Variants in DERL1 observed in about 807,000 individuals in gnomAD.
DERL1 encodes the protein derlin 1, also known as derlin-1.
In DERL1, 24 loss-of-function variants were observed where a neutral mutation model predicts 41.6. The ratio of observed to expected loss-of-function variants is 0.58; its 90% CI spans 0.42 to 0.81. The LOEUF is 0.81. Ranked by LOEUF, DERL1 falls within the 30% of genes least tolerant of loss-of-function variation. The pLI is 0.00. For synonymous variants in DERL1, 124 were observed against 112.5 expected (o/e 1.10, Z -0.65); for missense variants, 260 against 314.3 (o/e 0.83, Z 1.31).
At chr8:123,016,849 GT>G (rs144597674) in intron 7 of DERL1, 1 of 150,704 alleles carries the variant, frequency 6.6e-6, no homozygotes, top group Non-Finnish European at 1.5e-5. Flanking sequence ...TTGTTTTTTT[GT>G]TTTTTTTTGA....
chr8:123,015,666 C>T lies in DERL1; in HGVS notation c.618-81G>A, dbSNP rs190073575. The T allele has an allele frequency of 1.3e-3, 1,952 of 1,481,700 alleles. 10 individuals carry two copies. The Middle Eastern group carries it at 0.019, about 15-fold the overall frequency. 91.8% of individuals were successfully genotyped at this position (1,481,700 alleles called of 1,614,324 possible). A position where few individuals can be genotyped will look rare whatever the true frequency, so the allele number is the denominator to read the frequency against. ...ATAGTTATCTGACCTCCGAGAACAC[C>T]TCCCTCTCCTGCTGTTCCCATGGCA... On this transcript the variant is annotated intron_variant, in intron 7 of 7. Transcript: ENST00000259512.
chr8:123,040,750 G>A (rs2130501279), intron 1 of DERL1, among the ~76,000 whole-genome samples: 1 of 152,314 alleles, frequency 6.6e-6, no homozygotes, highest in East Asian at 1.9e-4. Flanking sequence ...AGGATTTGCT[G>A]ACAGATTGTG....
chr8:123,033,626 C>G (rs921968307), intron 1 of DERL1, among the ~76,000 whole-genome samples: 1 of 152,102 alleles, frequency 6.6e-6, no homozygotes, highest in African/African-American at 2.4e-5. Context: ...GCCTGTAATC[C>G]CAGCTACTCG....
chr8:123,015,696 T>A (rs561329913), intron 7 of DERL1, 111 bp from the exon 8 acceptor site: 2 of 1,380,494 alleles, frequency 1.4e-6, no homozygotes, highest in African/African-American at 2.9e-5. Flanking sequence ...ATGGCACTTG[T>A]CATGTTGAAG....
At chr8:123,019,042 G>A in intron 7 of DERL1, 153 bp downstream of exon 7, 2 of 671,732 alleles carry the variant, frequency 3.0e-6, no homozygotes, top group African/African-American at 3.7e-5. Flanking sequence ...CTAACTTCCT[G>A]TGACTGTGTG....
chr8:123,033,680 T>C lies in DERL1; in HGVS notation c.154-2964A>G, dbSNP rs567987609. Among the ~76,000 whole-genome samples the C allele has an allele frequency of 2.0e-4, 31 of 152,080 alleles. No individual in the cohort carries two copies. The South Asian group carries it at 6.4e-3, about 32-fold the overall frequency. On this transcript the variant is annotated intron_variant, in intron 1 of 7. Transcript: ENST00000259512. ...ATCGCTTGAATCCAGGAGGCAGAGG[T>C]TGCAGTGAGCCGAGATCACAACACT...
At chr8:123,022,102 C>T (rs11782469) in intron 5 of DERL1, among the ~76,000 whole-genome samples, 91,483 of 152,014 alleles carry the variant, frequency 0.6, 28,321 homozygotes, top group South Asian at 0.71. Context: ...GGGTTATACT[C>T]AAATAACTTT....
chr8:123,039,854 C>T (rs528617996), intron 1 of DERL1, among the ~76,000 whole-genome samples: 2 of 152,342 alleles, frequency 1.3e-5, no homozygotes, highest in East Asian at 3.9e-4. Flanking sequence ...TGGTGAACGG[C>T]TCTCATGGAG....
At chr8:123,023,638 A>G in intron 4 of DERL1, 75 bp downstream of exon 4, 1 of 1,456,110 alleles carries the variant, frequency 6.9e-7, no homozygotes, top group Non-Finnish European at 9.4e-7. Flanking sequence ...TGCAATTTCA[A>G]CTTCTGACAA....
chr8:123,013,466 A>G lies in DERL1; in HGVS notation c.*1981T>C, dbSNP rs1814468315. 1 of 152,210 alleles carries G rather than the reference A, an allele frequency of 6.6e-6. No homozygotes were observed. The highest frequency in any genetic ancestry group is 2.4e-5 in the African/African-American group (1 of 41,458). 9.4% of individuals were successfully genotyped at this position (152,210 alleles called of 1,614,324 possible). On this transcript the variant is annotated 3_prime_UTR_variant, in exon 8 of 8. Transcript: ENST00000259512. ...CCATTTGTAAAGAGAATCCACTGTC[A>G]TGTTTTGCCTTGTCAAGTCAAAACT...
chr8:123,023,802 T>C (rs1812620751), intron 3 of DERL1, 63 bp from the exon 4 acceptor site: 2 of 1,557,388 alleles, frequency 1.3e-6, no homozygotes, highest in Admixed American at 1.8e-5. Flanking sequence ...AAGACTGATG[T>C]GGTTATTTTC....
At chr8:123,029,067 C>CA (rs879563026) in intron 2 of DERL1, among the ~76,000 whole-genome samples, 660 of 133,082 alleles carry the variant, frequency 5.0e-3, no homozygotes, top group Middle Eastern at 0.011. Context: ...GACCCTGTCT[C>CA]AAAAAAAAAA....
intron 2 of DERL1, among the ~76,000 whole-genome samples, chr8:123,029,346 G>C (rs1349865049): frequency 6.6e-6 from 1 of 151,836 alleles, no homozygotes; most frequent in Non-Finnish European, 1.5e-5. Flanking sequence ...TAATATAATA[G>C]TCTATGACCT....
intron 1 of DERL1, 60 bp downstream of exon 1, chr8:123,041,910 T>A (rs1000694993): frequency 1.7e-5 from 26 of 1,500,668 alleles, no homozygotes; most frequent in Non-Finnish European, 2.1e-5. Flanking sequence ...AGCCTACGCT[T>A]AGCCGCCGCT....
intron 3 of DERL1, 120 bp from the exon 4 acceptor site, chr8:123,023,859 T>C: frequency 9.1e-7 from 1 of 1,098,356 alleles, no homozygotes; most frequent in Non-Finnish European, 1.3e-6. Context: ...GGCTCATGCT[T>C]GTAATCTCTG....
At chr8:123,040,302 C>A (rs974132010) in intron 1 of DERL1, among the ~76,000 whole-genome samples, 5 of 152,202 alleles carry the variant, frequency 3.3e-5, no homozygotes, top group African/African-American at 1.2e-4. Flanking sequence ...GTACGGCCAT[C>A]AGAGAAGGCC....
intron 6 of DERL1, among the ~76,000 whole-genome samples, 173 bp downstream of exon 6, chr8:123,021,274 T>G (rs1478634500): frequency 1.3e-5 from 2 of 152,222 alleles, no homozygotes; most frequent in Non-Finnish European, 2.9e-5. Flanking sequence ...TAAATATGCT[T>G]AAAGCCCTGC....
intron 1 of DERL1, among the ~76,000 whole-genome samples, chr8:123,038,788 T>C (rs1257125955): frequency 3.3e-5 from 5 of 152,124 alleles, no homozygotes; most frequent in African/African-American, 1.2e-4. Flanking sequence ...GTACACAACA[T>C]TCTCTCAGCC....
intron 1 of DERL1, 28 bp downstream of exon 1, chr8:123,041,942 C>A: frequency 6.3e-7 from 1 of 1,583,010 alleles, no homozygotes; most frequent in Admixed American, 1.8e-5. Context: ...GGCCTGTAGT[C>A]TCCACGCCCC....
Sources: allele counts gnomAD v4.1 joint callset (sites outside exome capture counted in the v4.1 genomes callset), GRCh38; gene constraint gnomAD v4.1.1; transcripts MANE v1.5; gene names NCBI Gene and HGNC (gene_info 2026-07-23, HGNC 2026-07-21).